Variants in ZNF726 observed in about 807,000 individuals in gnomAD.
ZNF726 encodes zinc finger protein 92 pseudogene 3.
In ZNF726, 15 loss-of-function variants were observed where a neutral mutation model predicts 11.6. The ratio of observed to expected loss-of-function variants is 1.29; its 90% confidence interval spans 0.86 to 1.99. ZNF726 has a LOEUF of 1.99. ZNF726 is among the 30% of genes most tolerant of loss of function. ZNF726 has a pLI of 0.00. For synonymous variants in ZNF726, 295 were observed against 243.6 expected (o/e 1.21, Z -1.96); for missense variants, 890 against 725.6 (o/e 1.23, Z -2.60).
intron 3 of ZNF726, among the ~76,000 whole-genome samples, chr19:23,941,189 G>A (rs1325987789): frequency 6.6e-6 from 1 of 152,144 alleles, no homozygotes; most frequent in Non-Finnish European, 1.5e-5. Context: ...TAATCATAAA[G>A]TGATGCTGGA....
downstream of ZNF726, chr19:23,935,230 A>T: frequency 2.2e-6 from 1 of 452,878 alleles, no homozygotes; most frequent in South Asian, 1.6e-5. Context: ...GAATGTGGGA[A>T]ATCTTTTAAC....
Position 23,933,138 on chromosome 19 carries a change from A to G in ZNF726, c.1022A>G (p.Tyr341Cys). The change falls in exon 4 of 4, where the codon TAC becomes TGC. Residue 341 changes from tyrosine to cysteine, a missense_variant. Tyr to Cys is a radical substitution (Grantham distance 194). Coordinates refer to ENST00000594466, the MANE Select transcript of ZNF726 (RefSeq NM_001244038.2). The part of the protein sequence containing the change: ...HKRLHSGEKP[Y>C]KCEECAKAFS... ...AGGCTGCACAGTGGAGAGAAACCCT[A>G]CAAATGTGAAGAATGTGCCAAAGCT... 1 of 1,600,764 alleles carries G rather than the reference A, an allele frequency of 6.2e-7. No individual in the cohort carries two copies.
chr19:23,941,103 T>C (rs564413914), intron 3 of ZNF726, among the ~76,000 whole-genome samples: 1 of 152,338 alleles, frequency 6.6e-6, no homozygotes, highest in South Asian at 2.1e-4. Flanking sequence ...CTCTATTATG[T>C]TGGCTGCGGG....
At chr19:23,935,645 G>T (rs972858104), downstream of ZNF726, 4 of 304,906 alleles carry the variant, frequency 1.3e-5, no homozygotes, top group East Asian at 2.5e-4. Flanking sequence ...ATGTGACAAA[G>T]CCTTTAAATG....
chr19:23,939,333 T>C, downstream of ZNF726, among the ~76,000 whole-genome samples: 1 of 152,202 alleles, frequency 6.6e-6, no homozygotes, highest in East Asian at 1.9e-4. Flanking sequence ...CCAACATATA[T>C]GTATATGTCA....
chr19:23,936,557 G>A (rs1028610210), downstream of ZNF726, among the ~76,000 whole-genome samples: 10 of 151,968 alleles, frequency 6.6e-5, no homozygotes, highest in Non-Finnish European at 1.0e-4. Flanking sequence ...AGGCCTTTAT[G>A]ACTTTTTCTA....
At chr19:23,935,445 A>G (rs776889979), downstream of ZNF726, 1 of 516,282 alleles carries the variant, frequency 1.9e-6, no homozygotes, top group Non-Finnish European at 3.9e-6. Flanking sequence ...GATAACTCAT[A>G]TTGGAGAGAA....
chr19:23,932,350 T>C lies in ZNF726; in HGVS notation c.234T>C (p.Cys78=). Residue 78 remains cysteine, a synonymous_variant, in exon 4 of 4, where the codon TGT becomes TGC. Transcript: ENST00000594466. ...ATTTTAATTTTTTTTTAGGTATATG[T>C]CCTCATTTTGCTCAAGACATTTGGC... The part of the protein sequence containing the change: ...DEMVDEPPGI[C]PHFAQDIWPE... 7.1e-7 allele frequency: 1 copy of C among 1,412,124 alleles called. No homozygotes were observed. The allele number at this position is 1,412,124 out of a possible 1,614,324, so 87.5% of individuals were successfully genotyped here. A position where few individuals can be genotyped will look rare whatever the true frequency, so the allele number is the denominator to read the frequency against.
downstream of ZNF726, chr19:23,935,510 G>A: frequency 2.4e-6 from 1 of 414,404 alleles, no homozygotes; most frequent in South Asian, 1.8e-5. Flanking sequence ...ATTCTTAACA[G>A]ATATAAGATT....
At chr19:23,928,895 T>G (rs2144981441) in intron 3 of ZNF726, 1 of 152,274 alleles carries the variant, frequency 6.6e-6, no homozygotes, top group East Asian at 1.9e-4. Context: ...TTTCTCAAAC[T>G]CAGAAGATTC....
downstream of ZNF726, among the ~76,000 whole-genome samples, chr19:23,938,837 CCT>C (rs1195054813): frequency 6.6e-6 from 1 of 152,030 alleles, no homozygotes; most frequent in African/African-American, 2.4e-5. Flanking sequence ...AAACTTCTGA[CCT>C]AAGGTGATCC....
chr19:23,937,337 C>T (rs1968258271), downstream of ZNF726, among the ~76,000 whole-genome samples: 1 of 151,946 alleles, frequency 6.6e-6, no homozygotes, highest in Non-Finnish European at 1.5e-5. Flanking sequence ...AGACCCTCCT[C>T]ACTTCCCAGA....
intron 3 of ZNF726, chr19:23,928,890 C>G (rs1164982250): frequency 6.6e-6 from 1 of 152,098 alleles, no homozygotes; most frequent in Admixed American, 6.6e-5. Flanking sequence ...CTCAGTTTCT[C>G]AAACTCAGAA....
rs1284494163 is a variant in ZNF726 at position 23,932,313 on chromosome 19, GT to G, written c.227-29del. The stretch of plus-strand genomic sequence containing the variant: ...AACTATATTTATGTCAGTATAGTAA[GT>G]GGAGTAAATTATTTTAATTTTTTTT... On this transcript the variant is annotated intron_variant, in intron 3 of 3. Transcript: ENST00000594466. 4 of 1,293,586 alleles carry G rather than the reference GT, an allele frequency of 3.1e-6. No homozygotes were observed. The South Asian group carries it at 1.1e-4, about 37-fold the overall frequency. 80.1% of individuals were successfully genotyped at this position (1,293,586 alleles called of 1,614,324 possible). A position where few individuals can be genotyped will look rare whatever the true frequency, so the allele number is the denominator to read the frequency against.
chr19:23,920,297 A>G (rs768904737), intron 3 of ZNF726: 48 of 336,088 alleles, frequency 1.4e-4, no homozygotes, highest in Non-Finnish European at 2.3e-4. Context: ...GATCTTCCTT[A>G]ACGTTTACAG....
downstream of ZNF726, among the ~76,000 whole-genome samples, chr19:23,936,537 T>C (rs543087676): frequency 6.6e-6 from 1 of 152,208 alleles, no homozygotes; most frequent in South Asian, 2.1e-4. Context: ...GAGATTCTTT[T>C]TTATTAGGTA....
intron 4 of ZNF726, chr19:23,944,349 A>AT (rs764626905): frequency 6.6e-6 from 1 of 152,086 alleles, no homozygotes; most frequent in Non-Finnish European, 1.5e-5. Flanking sequence ...ATAATAAACT[A>AT]TTTTTCTTTG....
chr19:23,930,319 A>G (rs762948563), intron 3 of ZNF726, among the ~76,000 whole-genome samples: 3 of 152,116 alleles, frequency 2.0e-5, no homozygotes, highest in Non-Finnish European at 4.4e-5. Context: ...GATTTTCTTA[A>G]TGAATATATT....
chr19:23,933,027 A>T lies in ZNF726; in HGVS notation c.911A>T (p.Lys304Met). 1 of 1,613,330 alleles carries T rather than the reference A, an allele frequency of 6.2e-7. No individual in the cohort carries two copies. The highest frequency in any genetic ancestry group is 8.5e-7 in the Non-Finnish European group (1 of 1,179,956). Residue 304 changes from lysine (K) to methionine (M), a missense_variant, in exon 4 of 4, where the codon AAG (lysine) becomes ATG (methionine). Transcript: ENST00000594466. ...CAACCCTCAGCACTAACCATACATAAGAGGATGCACATTGGAGAGAAACCC... is the reference window on the plus strand; with the variant it reads ...CAACCCTCAGCACTAACCATACATATGAGGATGCACATTGGAGAGAAACCC... ...FSQPSALTIH[K>M]RMHIGEKPYK... is the part of the protein sequence containing the mutation.
Sources: allele counts gnomAD v4.1 joint callset (sites outside exome capture counted in the v4.1 genomes callset), GRCh38; gene constraint gnomAD v4.1.1; transcripts MANE v1.5; gene names NCBI Gene and HGNC (gene_info 2026-07-23, HGNC 2026-07-21).